The following CDC42BPA variants were observed in gnomAD, a reference collection of about 807,000 sequenced individuals.
CDC42BPA encodes serine/threonine-protein kinase MRCK alpha.
CDC42BPA carries 80 observed loss-of-function variants against 223.5 expected under a neutral mutation model. The ratio of observed to expected loss-of-function variants is 0.36; its 90% CI spans 0.30 to 0.43. The LOEUF is 0.43. CDC42BPA is among the 20% of genes least tolerant of loss of function. CDC42BPA has a pLI of 1.00. For synonymous variants in CDC42BPA, 694 were observed against 718.6 expected, an observed-to-expected ratio of 0.97 and a Z score of 0.55; for missense variants, 1,743 against 2,099.9, an observed-to-expected ratio of 0.83 and a Z score of 3.32.
At position 227,280,201 on chromosome 1, in the gene CDC42BPA, T is replaced by C. The variant is rs1572833027; in HGVS notation, c.179-26046A>G. 2.0e-5 allele frequency among the ~76,000 whole-genome samples: 3 copies of C among 152,358 alleles called. No homozygotes were observed. The South Asian group carries it at 6.2e-4, about 32-fold the overall frequency. On this transcript the variant is annotated intron_variant, in intron 1 of 36. Coordinates refer to ENST00000366766, the MANE Select transcript of CDC42BPA (RefSeq NM_001394014.1). ...TTATTACATAGCCTGGTATCAACCATTTTGCTTCAGAGTTCTCTGAAAGAA... is the reference window on the plus strand; with the variant it reads ...TTATTACATAGCCTGGTATCAACCACTTTGCTTCAGAGTTCTCTGAAAGAA...
intron 14 of CDC42BPA, among the ~76,000 whole-genome samples, chr1:227,102,438 G>T (rs533134): frequency 0.83 from 126,282 of 152,150 alleles, 52,456 homozygotes; most frequent in East Asian, 0.88. Context: ...ATGAAAATGA[G>T]AACTAAATTG....
intron 4 of CDC42BPA, among the ~76,000 whole-genome samples, chr1:227,195,668 A>G (rs1670551893): frequency 6.7e-6 from 1 of 149,486 alleles, no homozygotes; most frequent in Non-Finnish European, 1.5e-5. Flanking sequence ...ATCTGTTCCT[A>G]ATCTATTCTG....
At position 226,994,777 on chromosome 1, in the gene CDC42BPA, C is replaced by T. The variant is rs1299791185; in HGVS notation, c.5133+46G>A. ...GTGGTGGGATTGCCTGGGAAGATGCCCTAGTCTTTCTGATACATGACGTCT... is the reference window on the plus strand; with the variant it reads ...GTGGTGGGATTGCCTGGGAAGATGCTCTAGTCTTTCTGATACATGACGTCT... On this transcript the variant is annotated intron_variant, in intron 36 of 36. Transcript: ENST00000366766. The surrounding 1 kb of genome is among the most constrained non-coding windows in gnomAD (Gnocchi z 4.0). 1 of 1,550,758 alleles carries T rather than the reference C, an allele frequency of 6.4e-7. No homozygotes were observed. The highest frequency in any genetic ancestry group is 1.2e-5 in the South Asian group (1 of 82,376).
intron 34 of CDC42BPA, among the ~76,000 whole-genome samples, chr1:227,008,866 G>A (rs1448726814): frequency 7.0e-6 from 1 of 143,158 alleles, no homozygotes; most frequent in African/African-American, 2.5e-5. Flanking sequence ...TAAAGCAAAT[G>A]CTTTTTTTTT....
intron 1 of CDC42BPA, among the ~76,000 whole-genome samples, chr1:227,312,529 T>A (rs1350669326): frequency 2.6e-5 from 4 of 152,162 alleles, no homozygotes; most frequent in Non-Finnish European, 5.9e-5. Context: ...AATCCTGACA[T>A]CCTGTTTTCA....
At chr1:227,279,181 A>G (rs1265524398) in intron 1 of CDC42BPA, among the ~76,000 whole-genome samples, 1 of 152,164 alleles carries the variant, frequency 6.6e-6, no homozygotes, top group Non-Finnish European at 1.5e-5. Context: ...CCTTGATGGC[A>G]TTAGTTGGAA....
chr1:227,234,802 C>T (rs1678682151), intron 2 of CDC42BPA: 1 of 152,242 alleles, frequency 6.6e-6, no homozygotes, highest in South Asian at 2.1e-4. Flanking sequence ...ATGGTTATCA[C>T]AGCAGGCTTG....
chr1:227,092,911 T>C (rs558002365), intron 15 of CDC42BPA, among the ~76,000 whole-genome samples: 3 of 152,248 alleles, frequency 2.0e-5, no homozygotes, highest in East Asian at 3.9e-4. Flanking sequence ...AATACTCCAG[T>C]GTGTATCTTT....
intron 3 of CDC42BPA, among the ~76,000 whole-genome samples, chr1:227,202,279 G>A (rs1157477763): frequency 2.6e-5 from 4 of 152,182 alleles, no homozygotes; most frequent in Non-Finnish European, 5.9e-5. Flanking sequence ...ACCACACCCG[G>A]CCGCTCTGGT....
In CDC42BPA at chr1:227,043,727, T is replaced by C. The variant is rs117467085; in HGVS notation, c.3094-3491A>G. Among the ~76,000 whole-genome samples the C allele has an allele frequency of 2.7e-3, 415 of 152,332 alleles. 12 individuals are homozygous for C. In the East Asian group the frequency reaches 0.052, roughly 19 times the overall value. On this transcript the variant is annotated intron_variant, in intron 23 of 36. Coordinates refer to ENST00000366766, the MANE Select transcript of CDC42BPA (RefSeq NM_001394014.1). ...AGTCTGAGTATGTGTTTTTAATTTA[T>C]ATAAATGTGTTTCTGTTATATATCA...
Position 227,147,579 on chromosome 1 carries a change from T to A in CDC42BPA, c.694-20A>T. The A allele has an allele frequency of 7.2e-7, 1 of 1,395,668 alleles. No homozygotes were observed. Among genetic ancestry groups the A allele is most frequent in the Non-Finnish European group, 9.9e-7 (1 of 1,011,456 alleles). 86.5% of individuals were successfully genotyped at this position (1,395,668 alleles called of 1,614,324 possible). A position where few individuals can be genotyped will look rare whatever the true frequency, so the allele number is the denominator to read the frequency against. On this transcript the variant is annotated intron_variant, in intron 6 of 36. Coordinates refer to ENST00000366766, the MANE Select transcript of CDC42BPA (RefSeq NM_001394014.1). ...CTGAACCTGAAGAAATTTACATTTT[T>A]ATTAATCTCCTATATTAGAAATAAA...
intron 34 of CDC42BPA, among the ~76,000 whole-genome samples, chr1:227,014,701 T>C (rs971937346): frequency 2.6e-5 from 4 of 152,158 alleles, no homozygotes; most frequent in Admixed American, 6.6e-5. Flanking sequence ...CAGATTTCCT[T>C]AGAGAGCAAT....
chr1:226,994,009 A>C lies in CDC42BPA; in HGVS notation c.*259T>G, dbSNP rs1572115109. The C allele has an allele frequency of 9.8e-6, 4 of 406,952 alleles. No individual in the cohort carries two copies. In the East Asian group the frequency reaches 1.9e-4, roughly 19 times the overall value. 25.2% of individuals were successfully genotyped at this position (406,952 alleles called of 1,614,324 possible). The stretch of plus-strand genomic sequence containing the variant: ...CCTTTGGGAGTAGGGGTAAAATGTT[A>C]CTGAAAGCAACTCTAAGTGCATGGA... On this transcript the variant is annotated 3_prime_UTR_variant, in exon 37 of 37. Coordinates refer to ENST00000366766, the MANE Select transcript of CDC42BPA (RefSeq NM_001394014.1). The surrounding 1 kb of genome is among the most constrained non-coding windows in gnomAD (Gnocchi z 4.0).
At chr1:227,010,519 A>C (rs1412148819) in intron 34 of CDC42BPA, among the ~76,000 whole-genome samples, 1 of 152,212 alleles carries the variant, frequency 6.6e-6, no homozygotes, top group Non-Finnish European at 1.5e-5. Flanking sequence ...GGAGCTAAAA[A>C]ATTCAGAAAT....
At chr1:227,018,238 T>G (rs896678831) in intron 32 of CDC42BPA, among the ~76,000 whole-genome samples, 1 of 151,900 alleles carries the variant, frequency 6.6e-6, no homozygotes, top group Admixed American at 6.6e-5. Context: ...TTGAAGTGAA[T>G]GAGAATGTGG....
At chr1:227,181,362 T>C (rs1278076656) in intron 5 of CDC42BPA, among the ~76,000 whole-genome samples, 28 of 152,232 alleles carry the variant, frequency 1.8e-4, no homozygotes, top group Admixed American at 1.8e-3. Context: ...TCAAGTGACA[T>C]CTTTAACATT....
intron 35 of CDC42BPA, among the ~76,000 whole-genome samples, chr1:226,999,716 T>C (rs769960127): frequency 5.3e-5 from 8 of 152,184 alleles, no homozygotes; most frequent in African/African-American, 1.2e-4. Flanking sequence ...CCATCAATGA[T>C]AGACTGGATA....
intron 1 of CDC42BPA, among the ~76,000 whole-genome samples, chr1:227,306,213 G>A (rs1559003971): frequency 6.7e-6 from 1 of 150,298 alleles, no homozygotes; most frequent in East Asian, 2.0e-4. Flanking sequence ...CAAGTTAGAG[G>A]TACATGTAAT....
At chr1:227,167,654 AG>A (rs139093279) in intron 5 of CDC42BPA, among the ~76,000 whole-genome samples, 25,830 of 152,092 alleles carry the variant, frequency 0.17, 2,238 homozygotes, top group Middle Eastern at 0.2. Context: ...GTCATTTCTT[AG>A]ATTTCAGGTT....
Sources: gnomAD v4.1 joint callset for allele counts (sites outside exome capture counted in the v4.1 genomes callset) on GRCh38, gnomAD v4.1.1 for gene constraint, Gnocchi (gnomAD v3.1) non-coding constraint, MANE v1.5 for transcripts, NCBI Gene and HGNC (gene_info 2026-07-23, HGNC 2026-07-21) for gene names.